THSD4: variants seen among roughly 807,000 people sequenced by gnomAD.
The protein encoded by THSD4 is thrombospondin type 1 domain containing 4.
Under a neutral mutation model 119.0 loss-of-function variants are expected in THSD4, and 69 were observed. The observed-to-expected ratio is 0.58, with a 90% CI of 0.48 to 0.71. The LOEUF is 0.71. THSD4 is among the 30% of genes least tolerant of loss of function. The pLI is 0.00. For synonymous variants in THSD4, 524 were observed against 540.4 expected, an observed-to-expected ratio of 0.97 and a Z score of 0.42; for missense variants, 1,393 against 1,391.1, an observed-to-expected ratio of 1.00 and a Z score of -0.02.
intron 17 of THSD4, among the ~76,000 whole-genome samples, chr15:71,776,859 G>C (rs1468678840): frequency 6.6e-6 from 1 of 152,166 alleles, no homozygotes; most frequent in Non-Finnish European, 1.5e-5. Flanking sequence ...TATACAGTAT[G>C]TATCTTTTAT....
chr15:71,221,546 C>T (rs28430642), intron 4 of THSD4, among the ~76,000 whole-genome samples: 1,548 of 152,236 alleles, frequency 0.01, 29 homozygotes, highest in African/African-American at 0.034. Context: ...CAGTATTTGT[C>T]GTTTTTGTGA....
intron 7 of THSD4, among the ~76,000 whole-genome samples, chr15:71,558,775 T>G (rs2049065272): frequency 6.6e-6 from 1 of 152,180 alleles, no homozygotes; most frequent in Non-Finnish European, 1.5e-5. Flanking sequence ...CTGGCCTCAG[T>G]TTTAAATATT....
intron 6 of THSD4, among the ~76,000 whole-genome samples, chr15:71,278,446 C>T (rs560028862): frequency 6.6e-5 from 10 of 152,238 alleles, no homozygotes; most frequent in East Asian, 3.9e-4. Flanking sequence ...CAACCTGCCC[C>T]GATACAGATT....
At chr15:71,572,983 T>G (rs1207567093) in intron 7 of THSD4, among the ~76,000 whole-genome samples, 3 of 152,136 alleles carry the variant, frequency 2.0e-5, no homozygotes, top group Non-Finnish European at 4.4e-5. Flanking sequence ...GGGCATACCC[T>G]GAGAGGCCTT....
chr15:71,150,262 T>C (rs1369197108), intron 2 of THSD4, among the ~76,000 whole-genome samples: 3 of 152,140 alleles, frequency 2.0e-5, no homozygotes, highest in African/African-American at 7.2e-5. Flanking sequence ...TTGAATTGGG[T>C]CAGGAGGAAC....
intron 7 of THSD4, among the ~76,000 whole-genome samples, chr15:71,600,730 C>CTTTTTTTTTTTTTTTTTT (rs774794883): frequency 6.8e-6 from 1 of 147,576 alleles, no homozygotes; most frequent in African/African-American, 2.6e-5. Flanking sequence ...TCATGCCTGT[C>CTTTTTTTTTTTTTTTTTT]TTTTTTTTTC....
intron 6 of THSD4, among the ~76,000 whole-genome samples, chr15:71,276,957 G>A (rs1567178739): frequency 6.6e-6 from 1 of 152,142 alleles, no homozygotes; most frequent in South Asian, 2.1e-4. Context: ...TGTATCCAGA[G>A]GTGGAGGAAC....
At chr15:71,700,085 T>C (rs1254743396) in intron 8 of THSD4, among the ~76,000 whole-genome samples, 1 of 152,144 alleles carries the variant, frequency 6.6e-6, no homozygotes, top group Non-Finnish European at 1.5e-5. Context: ...CTATGAAGGT[T>C]CCAGCCAATG....
chr15:71,150,673 CA>C (rs2040712482), intron 2 of THSD4, among the ~76,000 whole-genome samples: 1 of 152,168 alleles, frequency 6.6e-6, no homozygotes, highest in Admixed American at 6.5e-5. Context: ...GAGGCACCAG[CA>C]AACATTTTGC....
At chr15:71,105,166 A>C (rs2040268952) in intron 1 of THSD4, among the ~76,000 whole-genome samples, 1 of 152,152 alleles carries the variant, frequency 6.6e-6, no homozygotes. Context: ...TTTAGTTTTC[A>C]GCCTCTACTT....
At chr15:71,215,894 C>T (rs2043928561) in intron 4 of THSD4, among the ~76,000 whole-genome samples, 1 of 152,188 alleles carries the variant, frequency 6.6e-6, no homozygotes, top group Non-Finnish European at 1.5e-5. Flanking sequence ...GTGAACTTTT[C>T]TAGTAAGTTT....
At chr15:71,430,574 T>A (rs529747344) in intron 7 of THSD4, among the ~76,000 whole-genome samples, 19 of 151,860 alleles carry the variant, frequency 1.3e-4, no homozygotes, top group Admixed American at 3.9e-4. Flanking sequence ...CTGGCCGACA[T>A]GGTGAAATGG....
intron 8 of THSD4, among the ~76,000 whole-genome samples, chr15:71,681,238 C>T (rs528682543): frequency 2.0e-5 from 3 of 151,996 alleles, no homozygotes; most frequent in South Asian, 4.2e-4. Flanking sequence ...TTAATTGTTG[C>T]TACTGTTATA....
intron 6 of THSD4, among the ~76,000 whole-genome samples, chr15:71,405,198 G>A (rs1406109557): frequency 6.6e-6 from 1 of 152,130 alleles, no homozygotes; most frequent in African/African-American, 2.4e-5. Flanking sequence ...CTTTTCTGTT[G>A]TTTATAAATG....
At chr15:71,636,130 G>A (rs568917284) in intron 7 of THSD4, among the ~76,000 whole-genome samples, 1 of 152,248 alleles carries the variant, frequency 6.6e-6, no homozygotes, top group South Asian at 2.1e-4. Flanking sequence ...GAAGTAAAAT[G>A]AGGAAAATAG....
intron 8 of THSD4, among the ~76,000 whole-genome samples, chr15:71,721,252 TA>T (rs1429718159): frequency 6.6e-6 from 1 of 152,150 alleles, no homozygotes; most frequent in Non-Finnish European, 1.5e-5. Context: ...CCTGTGCCTG[TA>T]ATCCCAGCAC....
intron 13 of THSD4, 92 bp from the exon 14 acceptor site, chr15:71,748,329 G>A (rs2053378758): frequency 2.0e-6 from 3 of 1,492,096 alleles, no homozygotes; most frequent in Non-Finnish European, 2.7e-6. Flanking sequence ...AGTCTCATGG[G>A]GCTGATCACA....
intron 7 of THSD4, among the ~76,000 whole-genome samples, chr15:71,482,739 C>T (rs1423006476): frequency 6.6e-6 from 1 of 152,076 alleles, no homozygotes; most frequent in Non-Finnish European, 1.5e-5. Flanking sequence ...GTGGCCGCCT[C>T]CACACACGGC....
intron 7 of THSD4, among the ~76,000 whole-genome samples, chr15:71,490,222 C>G (rs932336812): frequency 6.6e-6 from 1 of 151,662 alleles, no homozygotes; most frequent in Non-Finnish European, 1.5e-5. Flanking sequence ...GTCAGGAGTT[C>G]GAGACCAGTC....
Sources: allele counts gnomAD v4.1 joint callset (sites outside exome capture counted in the v4.1 genomes callset), GRCh38; gene constraint gnomAD v4.1.1; transcripts MANE v1.5; gene names NCBI Gene and HGNC (gene_info 2026-07-23, HGNC 2026-07-21).